The following C5orf52 variants were observed in gnomAD, a reference collection of about 807,000 sequenced individuals.
C5orf52 encodes the protein uncharacterized protein C5orf52.
C5orf52 carries 15 observed loss-of-function variants against 16.8 expected under a neutral mutation model. The observed-to-expected ratio is 0.89, with a 90% CI of 0.60 to 1.38. The LOEUF is 1.38. C5orf52 is among the 40% of genes most tolerant of loss of function. C5orf52 has a pLI of 0.00. For missense variants in C5orf52, 206 were observed against 213.1 expected (o/e 0.97, Z 0.21); for synonymous variants, 83 against 87.2 (o/e 0.95, Z 0.27).
At position 157,671,805 on chromosome 5, in the gene C5orf52, C is replaced by G; in HGVS notation, c.191C>G (p.Ala64Gly). The change falls in exon 1 of 3, where the codon GCG becomes GGG. Residue 64 changes from alanine (A) to glycine (G), a missense_variant. By Grantham distance (60) the Ala-to-Gly change is moderately conservative (BLOSUM62 0). Transcript: ENST00000409999. ...PQICFPRPRSAQQPVLFSLMN... is the reference protein window; with the variant it reads ...PQICFPRPRSGQQPVLFSLMN... The stretch of plus-strand genomic sequence containing the variant: ...ATCTGCTTTCCGCGGCCGAGGTCCG[C>G]GCAGCAGCCGGTGCTGTTCAGGTGT... 1 of 1,540,136 alleles carries G rather than the reference C, an allele frequency of 6.5e-7. No individual in the cohort carries two copies.
At chr5:157,677,430 C>A (rs1305226276) in intron 2 of C5orf52, among the ~76,000 whole-genome samples, 3 of 151,890 alleles carry the variant, frequency 2.0e-5, no homozygotes, top group African/African-American at 7.3e-5. Context: ...CCGAGGCGGG[C>A]GGATCACCTG....
At chr5:157,671,866 A>C in intron 1 of C5orf52, 40 bp downstream of exon 1, 1 of 1,329,098 alleles carries the variant, frequency 7.5e-7, no homozygotes, top group Non-Finnish European at 1.0e-6. Flanking sequence ...AGACCCTCGG[A>C]CCCGCGAGGG....
rs191694326 is a variant in C5orf52, at chr5:157,675,118, T to C, written c.239T>C (p.Met80Thr). The C allele has an allele frequency of 1.0e-5, 16 of 1,551,268 alleles. No homozygotes were observed. The highest frequency in any genetic ancestry group is 1.4e-5 in the Non-Finnish European group (16 of 1,146,642). Reference sequence around the variant, plus strand: ...TTAATGAATTCCAGTGAAGCAGCGATGAAAAAAACTTTACCCAAGAGCCAT... The same window carrying C: ...TTAATGAATTCCAGTGAAGCAGCGACGAAAAAAACTTTACCCAAGAGCCAT... ...FSLMNSSEAA[M>T]KKTLPKSHLS... The change falls in exon 2 of 3, where the codon ATG becomes ACG. Residue 80 changes from methionine to threonine, a missense_variant. Transcript: ENST00000409999.
At chr5:157,676,861 C>CTTTTTTTTTTT (rs61514085) in intron 2 of C5orf52, among the ~76,000 whole-genome samples, 1 of 134,882 alleles carries the variant, frequency 7.4e-6, no homozygotes, top group African/African-American at 2.9e-5. Flanking sequence ...TTTTAATTTC[C>CTTTTTTTTTTT]TTTTTTTTTC....
In C5orf52 at chr5:157,675,114, G is replaced by C. The variant is rs1334335616; in HGVS notation, c.235G>C (p.Ala79Pro). 1.6e-5 allele frequency: 25 copies of C among 1,551,184 alleles called. No homozygotes were observed. The highest frequency in any genetic ancestry group is 2.2e-5 in the Non-Finnish European group (25 of 1,146,468). Residue 79 changes from alanine to proline, a missense_variant, in exon 2 of 3, where the codon GCG becomes CCG. Transcript: ENST00000409999. Reference sequence around the variant, plus strand: ...CAGCTTAATGAATTCCAGTGAAGCAGCGATGAAAAAAACTTTACCCAAGAG... The same window carrying C: ...CAGCTTAATGAATTCCAGTGAAGCACCGATGAAAAAAACTTTACCCAAGAG... ...LFSLMNSSEAAMKKTLPKSHL... is the reference protein window; with the variant it reads ...LFSLMNSSEAPMKKTLPKSHL...
In C5orf52 at chr5:157,679,937, T is replaced by C. The variant is rs564542374; in HGVS notation, c.418T>C (p.Trp140Arg). The change falls in exon 3 of 3, where the codon TGG becomes CGG. Residue 140 changes from tryptophan (W) to arginine (R), a missense_variant. Transcript: ENST00000409999. ...AGAGCAGCTCAGAAAGCTCGGGCGA[T>C]GGAGAGAGGAATCCGTGAACAGCAA... ...MTEQLRKLGR[W>R]REESVNSNRY... 6.4e-7 allele frequency: 1 copy of C among 1,551,614 alleles called. No homozygotes were observed. The highest frequency in any genetic ancestry group is 1.4e-5 in the African/African-American group (1 of 73,018).
At chr5:157,675,038 TG>T in intron 1 of C5orf52, 53 bp from the exon 2 acceptor site, 1 of 1,227,320 alleles carries the variant, frequency 8.1e-7, no homozygotes, top group Non-Finnish European at 1.2e-6. Context: ...AAATGTGCTC[TG>T]GCCCAGGCCC....
chr5:157,672,458 TC>T (rs1759814150), intron 1 of C5orf52, among the ~76,000 whole-genome samples: 1 of 152,118 alleles, frequency 6.6e-6, no homozygotes, highest in Admixed American at 6.6e-5. Context: ...GCCACCCTCT[TC>T]CCCTTCTAGT....
In C5orf52 at chr5:157,678,525, C is replaced by T. The variant is rs140660063; in HGVS notation, c.322-1316C>T. Among the ~76,000 whole-genome samples the T allele has an allele frequency of 2.4e-3, 364 of 152,252 alleles. 3 individuals are homozygous for T. The highest frequency in any genetic ancestry group is 8.5e-3 in the African/African-American group (352 of 41,564). On this transcript the variant is annotated intron_variant, in intron 2 of 2. Coordinates refer to ENST00000409999, the MANE Select transcript of C5orf52 (RefSeq NM_001145132.2). The stretch of plus-strand genomic sequence containing the variant: ...AGGCTGAAGTGCAGTGGCATAATCT[C>T]GGCTCAATGCAACCTCTGCCTCCTG...
chr5:157,676,868 TTTC>T (rs1392078396), intron 2 of C5orf52, among the ~76,000 whole-genome samples: 2 of 73,874 alleles, frequency 2.7e-5, no homozygotes, highest in Non-Finnish European at 2.6e-5. Flanking sequence ...TTCCTTTTTT[TTTC>T]TTTTTTTTTT....
chr5:157,672,112 G>T (rs939655084), intron 1 of C5orf52, among the ~76,000 whole-genome samples: 1 of 152,146 alleles, frequency 6.6e-6, no homozygotes, highest in Non-Finnish European at 1.5e-5. Context: ...AATCGGTCCT[G>T]GCCCGTCAGT....
upstream of C5orf52, chr5:157,671,300 G>A: frequency 2.8e-6 from 1 of 357,954 alleles, no homozygotes; most frequent in Non-Finnish European, 5.1e-6. Context: ...CAGTCCCCAC[G>A]TCGAAGCGGA....
chr5:157,671,919 C>CG, intron 1 of C5orf52, 93 bp downstream of exon 1: 2 of 890,650 alleles, frequency 2.2e-6, no homozygotes, highest in Non-Finnish European at 3.3e-6. Context: ...AGCCGGACCC[C>CG]GGCCCTTTTT....
intron 2 of C5orf52, among the ~76,000 whole-genome samples, chr5:157,678,514 T>A (rs10054593): frequency 6.6e-6 from 1 of 151,646 alleles, no homozygotes; most frequent in Non-Finnish European, 1.5e-5. Context: ...TGAAGTGCAG[T>A]GGCATAATCT....
At position 157,671,635 on chromosome 5, in the gene C5orf52, C is replaced by G; in HGVS notation, c.21C>G (p.Pro7=). The G allele has an allele frequency of 6.4e-7, 1 of 1,550,644 alleles. No homozygotes were observed. Among genetic ancestry groups the G allele is most frequent in the South Asian group, 1.2e-5 (1 of 83,980 alleles). The change falls in exon 1 of 3, where the codon CCC becomes CCG. Residue 7 remains proline, a synonymous_variant. Transcript: ENST00000409999. MTQPTR[P]SVTCDQGSST... ...CCGCAATGACACAGCCGACTAGGCC[C>G]TCGGTCACCTGTGACCAGGGATCCT... is the stretch of plus-strand genomic sequence containing the variant.
At chr5:157,679,367 C>T (rs564935266) in intron 2 of C5orf52, among the ~76,000 whole-genome samples, 3 of 152,244 alleles carry the variant, frequency 2.0e-5, no homozygotes, top group East Asian at 1.9e-4. Context: ...GACAGAGTCT[C>T]ACTCTGTTGT....
intron 2 of C5orf52, 59 bp from the exon 3 acceptor site, chr5:157,679,782 T>C: frequency 6.8e-7 from 1 of 1,478,330 alleles, no homozygotes; most frequent in Non-Finnish European, 9.1e-7. Flanking sequence ...TGCTGCGAAG[T>C]AATCCTAATC....
At chr5:157,674,714 C>T (rs1759863157) in intron 1 of C5orf52, among the ~76,000 whole-genome samples, 1 of 151,984 alleles carries the variant, frequency 6.6e-6, no homozygotes, top group Non-Finnish European at 1.5e-5. Flanking sequence ...TGCAGTAAGC[C>T]AAGATTGCAC....
intron 2 of C5orf52, among the ~76,000 whole-genome samples, chr5:157,679,130 T>C (rs1382103617): frequency 6.7e-6 from 1 of 149,446 alleles, no homozygotes; most frequent in Non-Finnish European, 1.5e-5. Context: ...CGAGACTCCA[T>C]CTCAAAAAAG....
Sources: gnomAD v4.1 joint callset for allele counts (sites outside exome capture counted in the v4.1 genomes callset) on GRCh38, gnomAD v4.1.1 for gene constraint, MANE v1.5 for transcripts, NCBI Gene and HGNC (gene_info 2026-07-23, HGNC 2026-07-21) for gene names.